AKTIP: variants seen among roughly 807,000 people sequenced by gnomAD.
AKTIP encodes the protein AKT-interacting protein.
In AKTIP, 16 loss-of-function variants were observed where a neutral mutation model predicts 39.1. The ratio of observed to expected loss-of-function variants is 0.41; its 90% confidence interval spans 0.28 to 0.62. AKTIP has a LOEUF of 0.62. AKTIP is among the 20% of genes least tolerant of loss of function. The pLI is 0.32. For synonymous variants in AKTIP, 93 were observed against 124.3 expected (o/e 0.75, Z 1.67); for missense variants, 262 against 356.6 (o/e 0.73, Z 2.14).
rs912370182 is a variant in AKTIP, at chr16:53,493,081, T to C, written c.711-328A>G. On this transcript the variant is annotated intron_variant, in intron 8 of 9. Transcript: ENST00000394657. ...AGTCCATCTGCTGACTCCAAGCTCT[T>C]TTTTTTGAGACTGAGTCTAGTTCTG... The C allele has an allele frequency of 1.2e-5, 3 of 248,990 alleles. No individual in the cohort carries two copies. In the East Asian group the frequency reaches 2.8e-4, roughly 23 times the overall value. 15.4% of individuals were successfully genotyped at this position (248,990 alleles called of 1,614,324 possible).
In AKTIP at chr16:53,494,134, TTACCTAATTGCATAG is replaced by T; in HGVS notation, c.699_710+3del. 1 of 1,606,530 alleles carries T rather than the reference TTACCTAATTGCATAG, an allele frequency of 6.2e-7. No individual in the cohort carries two copies. The highest frequency in any genetic ancestry group is 8.5e-7 in the Non-Finnish European group (1 of 1,173,156). ...ACAGTTCACTTGGGGGATGCACCACTTACCTAATTGCATAGGGGTCTTCTATTTTAGGTTGGTCAA... is the reference window on the plus strand; with the variant it reads ...ACAGTTCACTTGGGGGATGCACCACTGGGTCTTCTATTTTAGGTTGGTCAA... On this transcript the variant is annotated splice_donor_variant and splice_donor_region_variant and coding_sequence_variant and intron_variant, in exon 8 of 10. Transcript: ENST00000394657. LOFTEE classifies it high-confidence loss of function.
chr16:53,497,764 CTTT>C (rs1304058180), intron 3 of AKTIP, among the ~76,000 whole-genome samples: 2 of 152,238 alleles, frequency 1.3e-5, no homozygotes, highest in Non-Finnish European at 2.9e-5. Context: ...ACTGTAGGTT[CTTT>C]GAGACGGGGT....
intron 3 of AKTIP, among the ~76,000 whole-genome samples, chr16:53,495,886 C>T (rs1466805370): frequency 6.6e-6 from 1 of 152,256 alleles, no homozygotes; most frequent in African/African-American, 2.4e-5. Context: ...ACTCGCAGTA[C>T]TGCCTGGGGA....
chr16:53,499,307 G>C (rs1962024384), intron 2 of AKTIP, among the ~76,000 whole-genome samples: 1 of 152,108 alleles, frequency 6.6e-6, no homozygotes, highest in Non-Finnish European at 1.5e-5. Context: ...GGCATCTAAA[G>C]GCCCTGAATT....
upstream of AKTIP, among the ~76,000 whole-genome samples, chr16:53,504,088 CTTTTTT>C (rs766022873): frequency 7.6e-4 from 102 of 133,788 alleles, no homozygotes; most frequent in African/African-American, 2.7e-3. Flanking sequence ...AGTTCCTGGT[CTTTTTT>C]TTTTTTTTTT....
intron 8 of AKTIP, 34 bp downstream of exon 8, chr16:53,494,104 A>C (rs756534154): frequency 5.5e-5 from 82 of 1,478,570 alleles, no homozygotes; most frequent in Non-Finnish European, 7.3e-5. Flanking sequence ...TGGAAAGGAC[A>C]GTGGACAGTT....
chr16:53,500,532 C>T (rs1377638851), intron 1 of AKTIP, among the ~76,000 whole-genome samples: 1 of 152,130 alleles, frequency 6.6e-6, no homozygotes, highest in Non-Finnish European at 1.5e-5. Flanking sequence ...TGCCTGCCAC[C>T]ATGCCCAGCT....
chr16:53,494,105 G>A (rs368721340), intron 8 of AKTIP, 33 bp downstream of exon 8: 7 of 1,495,396 alleles, frequency 4.7e-6, no homozygotes, highest in Non-Finnish European at 6.5e-6. Context: ...GGAAAGGACA[G>A]TGGACAGTTC....
rs1961753009 is a variant in AKTIP, at chr16:53,495,153, T to C, written c.334A>G (p.Ile112Val). ...SALMWFGVIF[I>V]RHGLYQDGVF... The stretch of plus-strand genomic sequence containing the variant: ...CCATCTTGGTAAAGTCCATGCCGTA[T>C]GAATATTACTCCAAACCACACTGTA... The change falls in exon 5 of 10, where the codon ATA becomes GTA. Residue 112 changes from isoleucine to valine, a missense_variant. Transcript: ENST00000394657. 6.2e-7 allele frequency: 1 copy of C among 1,613,888 alleles called. No homozygotes were observed. Among genetic ancestry groups the C allele is most frequent in the Non-Finnish European group, 8.5e-7 (1 of 1,179,898 alleles).
At chr16:53,496,820 G>C (rs912881959) in intron 3 of AKTIP, among the ~76,000 whole-genome samples, 2 of 151,992 alleles carry the variant, frequency 1.3e-5, no homozygotes, top group Non-Finnish European at 2.9e-5. Flanking sequence ...CAGCCTGGGT[G>C]ACACAGTGAG....
chr16:53,493,117 T>A (rs1318934241), intron 8 of AKTIP: 2 of 208,794 alleles, frequency 9.6e-6, no homozygotes, highest in Non-Finnish European at 2.0e-5. Context: ...TCACCCAGGC[T>A]GGAGTGCAGT....
rs2150865167 is a variant in AKTIP at position 53,498,602 on chromosome 16, C to G, written c.43-6G>C. On this transcript the variant is annotated splice_polypyrimidine_tract_variant and splice_region_variant and intron_variant, in intron 2 of 9. Transcript: ENST00000394657. ...TTCTCTTCACCTTCAGATCGCTATA[C>G]AAGATGAAGTTGTAAGAATATCTGT... 4.3e-6 allele frequency: 7 copies of G among 1,613,562 alleles called. No homozygotes were observed. Among genetic ancestry groups the G allele is most frequent in the Non-Finnish European group, 5.9e-6 (7 of 1,179,466 alleles).
chr16:53,500,700 A>T (rs1962117002), intron 1 of AKTIP, among the ~76,000 whole-genome samples: 4 of 152,210 alleles, frequency 2.6e-5, no homozygotes. Flanking sequence ...TTCTGAAATG[A>T]TGAATAACTA....
At chr16:53,503,969 CG>C (rs1389227965), upstream of AKTIP, among the ~76,000 whole-genome samples, 1,910 of 141,948 alleles carry the variant, frequency 0.013, 54 homozygotes, top group African/African-American at 0.045. Flanking sequence ...GAGTGGGGGC[CG>C]GGGGCTGGGG....
rs571973315 is a variant in AKTIP at position 53,496,663 on chromosome 16, T to C, written c.249-1337A>G. On this transcript the variant is annotated intron_variant, in intron 3 of 9. Coordinates refer to ENST00000394657, the MANE Select transcript of AKTIP (RefSeq NM_022476.4). ...GCCTAGCCAACATGGTGAAATCCAG[T>C]CTCTTACTAAAACTACAAAAATTAG... Among the ~76,000 whole-genome samples, 206 of 152,076 alleles carry C rather than the reference T, an allele frequency of 1.4e-3. No homozygotes were observed. The Middle Eastern group carries it at 0.02, about 15-fold the overall frequency.
At chr16:53,494,677 A>G (rs944212043) in intron 5 of AKTIP, 72 bp from the exon 6 acceptor site, 1 of 1,432,772 alleles carries the variant, frequency 7.0e-7, no homozygotes, top group African/African-American at 1.4e-5. Flanking sequence ...AGGAATCGTG[A>G]TAAAAAGAGC....
At chr16:53,496,846 A>G (rs1281500532) in intron 3 of AKTIP, among the ~76,000 whole-genome samples, 1 of 152,206 alleles carries the variant, frequency 6.6e-6, no homozygotes, top group African/African-American at 2.4e-5. Context: ...ATCTCAAAAA[A>G]AAGAAAAAAA....
chr16:53,494,930 C>G, intron 5 of AKTIP, 143 bp downstream of exon 5: 1 of 833,134 alleles, frequency 1.2e-6, no homozygotes. Flanking sequence ...GAAGCTGCTG[C>G]AAAGCACAGA....
intron 8 of AKTIP, 179 bp from the exon 9 acceptor site, chr16:53,492,932 C>T (rs1275207388): frequency 1.3e-5 from 8 of 594,348 alleles, no homozygotes; most frequent in South Asian, 2.1e-5. Flanking sequence ...ATCCCTCATA[C>T]ATGAATGATC....
Sources: gnomAD v4.1 joint callset for allele counts (sites outside exome capture counted in the v4.1 genomes callset) on GRCh38, gnomAD v4.1.1 for gene constraint, MANE v1.5 for transcripts, NCBI Gene and HGNC (gene_info 2026-07-23, HGNC 2026-07-21) for gene names.